The following LHCGR variants were observed in gnomAD, a reference collection of about 807,000 sequenced individuals.
The protein encoded by LHCGR is luteinizing hormone/choriogonadotropin receptor.
In LHCGR, 55 loss-of-function variants were observed where a neutral mutation model predicts 60.7. The observed-to-expected ratio is 0.91, with a 90% confidence interval of 0.73 to 1.13. The LOEUF is 1.13. Ranked by LOEUF, LHCGR falls within the 50% of genes most tolerant of loss-of-function variation. The probability of loss-of-function intolerance (pLI) is 0.00; values close to 1 mark genes in which losing one functional copy is unlikely to be tolerated. For missense variants in LHCGR, 862 were observed against 836.0 expected (o/e 1.03, Z -0.38); for synonymous variants, 337 against 316.5 (o/e 1.06, Z -0.69).
chr2:48,731,429 G>T, intron 1 of LHCGR, 131 bp from the exon 2 acceptor site: 1 of 670,520 alleles, frequency 1.5e-6, no homozygotes, highest in South Asian at 1.6e-5. Flanking sequence ...CTGGATTCAG[G>T]CTGAGGATTC....
intron 1 of LHCGR, among the ~76,000 whole-genome samples, chr2:48,738,907 A>T (rs1376658612): frequency 6.6e-6 from 1 of 152,248 alleles, no homozygotes; most frequent in Non-Finnish European, 1.5e-5. Context: ...TAGAAAATTG[A>T]AAATTACTCG....
rs984127462 is a variant in LHCGR, at chr2:48,746,510, G to C, written c.161+9001C>G. On this transcript the variant is annotated intron_variant, in intron 1 of 10. Transcript: ENST00000294954. ...TGAGCATTGATTGTTTTAATGATCAGTCAGTTGAAACTTTCCCATTGGAAA... is the reference window on the plus strand; with the variant it reads ...TGAGCATTGATTGTTTTAATGATCACTCAGTTGAAACTTTCCCATTGGAAA... Among the ~76,000 whole-genome samples, 23 of 152,212 alleles carry C rather than the reference G, an allele frequency of 1.5e-4. 1 individual carries two copies. Among genetic ancestry groups the C allele is most frequent in the Admixed American group, 1.2e-3 (19 of 15,282 alleles).
chr2:48,723,610 CCTGGTA>C lies in LHCGR; in HGVS notation c.458+6_458+11del. The C allele has an allele frequency of 6.2e-7, 1 of 1,610,454 alleles. No homozygotes were observed. The highest frequency in any genetic ancestry group is 8.5e-7 in the Non-Finnish European group (1 of 1,176,714). On this transcript the variant is annotated splice_donor_region_variant and intron_variant, in intron 5 of 10. Coordinates refer to ENST00000294954, the MANE Select transcript of LHCGR (RefSeq NM_000233.4). ...GGAAACTGTTATGCATAGCAATCAG[CCTGGTA>C]CTTACAGAATGAAATTTGATTCAGA... is the stretch of plus-strand genomic sequence containing the variant.
In LHCGR at chr2:48,687,713, C is replaced by T. The variant is rs770957396; in HGVS notation, c.2084G>A (p.Arg695His). The change falls in exon 11 of 11, where the codon CGC becomes CAC. Residue 695 changes from arginine to histidine, a missense_variant. Coordinates refer to ENST00000294954, the MANE Select transcript of LHCGR (RefSeq NM_000233.4). ...CQGTALLDKT[R>H]YTEC ...ATGTAACAGTTAACACTCTGTGTAG[C>T]GAGTCTTGTCTAGGAGAGCTGTACC... 15 of 1,613,354 alleles carry T rather than the reference C, an allele frequency of 9.3e-6. No individual in the cohort carries two copies. In the East Asian group the frequency reaches 1.3e-4, roughly 14 times the overall value.
chr2:48,717,016 A>G (rs1438687696), intron 6 of LHCGR, among the ~76,000 whole-genome samples: 3 of 152,138 alleles, frequency 2.0e-5, no homozygotes, highest in Non-Finnish European at 4.4e-5. Context: ...GCCCTAGGGT[A>G]TGTCATAGGA....
chr2:48,719,402 T>C (rs1668407354), intron 6 of LHCGR, among the ~76,000 whole-genome samples: 1 of 152,142 alleles, frequency 6.6e-6, no homozygotes, highest in African/African-American at 2.4e-5. Context: ...GGAATCATCA[T>C]GCCTTTCCAG....
At chr2:48,723,718 T>C (rs1204983341) in intron 4 of LHCGR, 22 bp from the exon 5 acceptor site, 13 of 1,567,994 alleles carry the variant, frequency 8.3e-6, no homozygotes, top group Non-Finnish European at 8.8e-7. Flanking sequence ...GACAGGATAG[T>C]GGTGTGGGCA....
At chr2:48,739,600 G>A (rs1249757420) in intron 1 of LHCGR, among the ~76,000 whole-genome samples, 2 of 151,760 alleles carry the variant, frequency 1.3e-5, no homozygotes, top group Non-Finnish European at 2.9e-5. Flanking sequence ...CTCATAGGTG[G>A]GAATTGAACA....
intron 7 of LHCGR, among the ~76,000 whole-genome samples, chr2:48,711,231 A>C (rs1321745515): frequency 1.3e-5 from 2 of 151,684 alleles, no homozygotes; most frequent in East Asian, 1.9e-4. Context: ...CACCCCTCAT[A>C]CTCTCTCAGA....
intron 1 of LHCGR, among the ~76,000 whole-genome samples, chr2:48,752,931 T>G (rs746037964): frequency 7.2e-6 from 1 of 138,182 alleles, no homozygotes; most frequent in Non-Finnish European, 1.5e-5. Flanking sequence ...GGGTTTAGGA[T>G]TTTGATTTTA....
At chr2:48,705,651 T>C (rs1667627071) in intron 8 of LHCGR, among the ~76,000 whole-genome samples, 1 of 152,182 alleles carries the variant, frequency 6.6e-6, no homozygotes, top group Non-Finnish European at 1.5e-5. Context: ...GTAATGGCCT[T>C]CTTTGTCTCT....
chr2:48,732,586 G>A (rs1054855448), intron 1 of LHCGR, among the ~76,000 whole-genome samples: 1 of 152,054 alleles, frequency 6.6e-6, no homozygotes, highest in African/African-American at 2.4e-5. Context: ...CCTGAACAAG[G>A]TTACAACGAG....
intron 6 of LHCGR, among the ~76,000 whole-genome samples, chr2:48,718,866 C>T (rs963088505): frequency 2.0e-5 from 3 of 152,208 alleles, no homozygotes; most frequent in African/African-American, 7.2e-5. Context: ...TTCATAGTCT[C>T]TATAGCAATG....
At chr2:48,692,954 T>C (rs1572814901) in intron 10 of LHCGR, among the ~76,000 whole-genome samples, 1 of 152,160 alleles carries the variant, frequency 6.6e-6, no homozygotes, top group East Asian at 1.9e-4. Context: ...AAACTTAAGG[T>C]TGTATATGCT....
intron 1 of LHCGR, among the ~76,000 whole-genome samples, chr2:48,742,070 C>G (rs1669483605): frequency 6.6e-6 from 1 of 151,870 alleles, no homozygotes; most frequent in Non-Finnish European, 1.5e-5. Context: ...GACTTTAAAC[C>G]AACAAAGATC....
At chr2:48,697,789 A>G (rs1172530676) in intron 9 of LHCGR, among the ~76,000 whole-genome samples, 2 of 152,222 alleles carry the variant, frequency 1.3e-5, no homozygotes, top group Admixed American at 6.5e-5. Flanking sequence ...TTGGTGGGTC[A>G]TGAAAGCAAT....
In LHCGR at chr2:48,687,876, A is replaced by G. The variant is rs745805362; in HGVS notation, c.1921T>C (p.Phe641Leu). 2 of 1,614,178 alleles carry G rather than the reference A, an allele frequency of 1.2e-6. No homozygotes were observed. Among genetic ancestry groups the G allele is most frequent in the East Asian group, 4.5e-5 (2 of 44,876 alleles). The change falls in exon 11 of 11, where the codon TTT becomes CTT. Residue 641 changes from phenylalanine to leucine, a missense_variant. By Grantham distance (22) the Phe-to-Leu change is conservative. Coordinates refer to ENST00000294954, the MANE Select transcript of LHCGR (RefSeq NM_000233.4). Reference sequence around the variant, plus strand: ...TCAGCCCGACGTTTACAGCAGCCAAATTTGCTCAGCAAAAGAAAGAAATCT... The same window carrying G: ...TCAGCCCGACGTTTACAGCAGCCAAGTTTGCTCAGCAAAAGAAAGAAATCT... ...QRDFFLLLSK[F>L]GCCKRRAELY...
At chr2:48,691,920 A>T (rs1355277571) in intron 10 of LHCGR, among the ~76,000 whole-genome samples, 1 of 151,956 alleles carries the variant, frequency 6.6e-6, no homozygotes, top group African/African-American at 2.4e-5. Flanking sequence ...CGAAACCAAG[A>T]TTAAAGGAGG....
intron 10 of LHCGR, among the ~76,000 whole-genome samples, chr2:48,690,548 CA>C (rs1680180392): frequency 1.3e-5 from 2 of 152,156 alleles, no homozygotes; most frequent in Non-Finnish European, 2.9e-5. Flanking sequence ...ATCCCTTGGG[CA>C]ACCTTCCCTT....
Sources: allele counts gnomAD v4.1 joint callset (sites outside exome capture counted in the v4.1 genomes callset), GRCh38; gene constraint gnomAD v4.1.1; transcripts MANE v1.5; gene names NCBI Gene and HGNC (gene_info 2026-07-23, HGNC 2026-07-21).